Variants in PARS2 observed in about 807,000 individuals in gnomAD.
PARS2 encodes probable proline--tRNA ligase, mitochondrial.
PARS2 carries 20 observed loss-of-function variants against 27.4 expected under a neutral mutation model. The observed-to-expected ratio is 0.73, with a 90% CI of 0.51 to 1.06. The LOEUF is 1.06. Ranked by LOEUF, PARS2 falls within the 50% of genes least tolerant of loss-of-function variation. PARS2 has a pLI of 0.00. For synonymous variants in PARS2, 240 were observed against 247.1 expected (o/e 0.97, Z 0.27); for missense variants, 585 against 602.1 (o/e 0.97, Z 0.30).
intron 1 of PARS2, among the ~76,000 whole-genome samples, chr1:54,760,375 T>C (rs776121853): frequency 3.9e-4 from 60 of 152,220 alleles, no homozygotes; most frequent in Non-Finnish European, 6.3e-4. Flanking sequence ...CAAACCAGAA[T>C]GTGGGGTTCG....
In PARS2 at chr1:54,758,095, G is replaced by C; in HGVS notation, c.1067C>G (p.Ser356Cys). 1.2e-6 allele frequency: 2 copies of C among 1,614,132 alleles called. No homozygotes were observed. Among genetic ancestry groups the C allele is most frequent in the Non-Finnish European group, 1.7e-6 (2 of 1,179,996 alleles). ...RILAAAIEVL[S>C]TEDCVRWPSL... ...GGGCCAGCGGACACAGTCTTCTGTA[G>C]AGAGGACTTCAATGGCAGCAGCCAA... Residue 356 changes from serine to cysteine, a missense_variant, in exon 2 of 2, where the codon TCT becomes TGT. Transcript: ENST00000371279.
At position 54,758,588 on chromosome 1, in the gene PARS2, G is replaced by C. The variant is rs1404202100; in HGVS notation, c.574C>G (p.Pro192Ala). 4 of 1,614,080 alleles carry C rather than the reference G, an allele frequency of 2.5e-6. No individual in the cohort carries two copies. The highest frequency in any genetic ancestry group is 3.4e-6 in the Non-Finnish European group (4 of 1,180,038). The change falls in exon 2 of 2, where the codon CCC becomes GCC. Residue 192 changes from proline (P) to alanine (A), a missense_variant. Coordinates refer to ENST00000371279, the MANE Select transcript of PARS2 (RefSeq NM_152268.4). ...CGGAGAAGACCAAAGCGGGGCCTGGGCTCATCCCGAAACTTCCTTGTCACT... is the reference window on the plus strand; with the variant it reads ...CGGAGAAGACCAAAGCGGGGCCTGGCCTCATCCCGAAACTTCCTTGTCACT... The part of the protein sequence containing the change: ...YQVTRKFRDE[P>A]RPRFGLLRGR...
Position 54,758,318 on chromosome 1 carries a change from T to A in PARS2, c.844A>T (p.Met282Leu), listed in dbSNP as rs771262292. The change falls in exon 2 of 2, where the codon ATG becomes TTG. Residue 282 changes from methionine to leucine, a missense_variant. Met to Leu is a conservative substitution (Grantham distance 15, BLOSUM62 2). Coordinates refer to ENST00000371279, the MANE Select transcript of PARS2 (RefSeq NM_152268.4). ...ICPRCSFSAN[M>L]ETLDLSQMNC... ...ATTTGTGACAAGTCTAGTGTCTCCA[T>A]GTTGGCTGAGAAGCTGCAGCGGGGA... 3 of 1,614,200 alleles carry A rather than the reference T, an allele frequency of 1.9e-6. No individual in the cohort carries two copies. The Admixed American group carries it at 5.0e-5, about 27-fold the overall frequency.
At chr1:54,761,016 G>C (rs1414911098) in intron 1 of PARS2, among the ~76,000 whole-genome samples, 2 of 152,200 alleles carry the variant, frequency 1.3e-5, no homozygotes, top group African/African-American at 4.8e-5. Flanking sequence ...CTGACCTCGT[G>C]ATCCAACTGC....
In PARS2 at chr1:54,758,156, C is replaced by G; in HGVS notation, c.1006G>C (p.Glu336Gln). ...TNVCGKPTLAEMGCYGLGVTR... is the reference protein window; with the variant it reads ...TNVCGKPTLAQMGCYGLGVTR... ...ACACCCAAGCCATAGCACCCCATTT[C>G]AGCCAGGGTTGGTTTGCCACAGACA... Residue 336 changes from glutamate to glutamine, a missense_variant, in exon 2 of 2, where the codon GAA (glutamate) becomes CAA (glutamine). Transcript: ENST00000371279. 6.2e-7 allele frequency: 1 copy of G among 1,614,250 alleles called. No homozygotes were observed. The highest frequency in any genetic ancestry group is 8.5e-7 in the Non-Finnish European group (1 of 1,180,048).
Position 54,758,127 on chromosome 1 carries a change from T to C in PARS2, c.1035A>G (p.Thr345=), listed in dbSNP as rs1570088874. The change falls in exon 2 of 2, where the codon ACA becomes ACG. Residue 345 remains threonine (T), a synonymous_variant. Transcript: ENST00000371279. The part of the protein sequence containing the change: ...AEMGCYGLGV[T]RILAAAIEVL... ...CTTCAATGGCAGCAGCCAAGATCCG[T>C]GTCACACCCAAGCCATAGCACCCCA... is the stretch of plus-strand genomic sequence containing the variant. 6.2e-7 allele frequency: 1 copy of C among 1,614,222 alleles called. No homozygotes were observed. Among genetic ancestry groups the C allele is most frequent in the South Asian group, 1.1e-5 (1 of 91,086 alleles).
chr1:54,759,868 TG>T (rs1239180343), intron 1 of PARS2, among the ~76,000 whole-genome samples: 1 of 151,986 alleles, frequency 6.6e-6, no homozygotes, highest in Non-Finnish European at 1.5e-5. Context: ...TAGCTGGGCA[TG>T]GTGACACGCC....
chr1:54,757,844 C>G lies in PARS2; in HGVS notation c.1318G>C (p.Ala440Pro). 6.2e-7 allele frequency: 1 copy of G among 1,614,172 alleles called. No homozygotes were observed. The highest frequency in any genetic ancestry group is 2.2e-5 in the East Asian group (1 of 44,878). ...YPFVIIAGKRALEDPAHFEVW... is the reference protein window; with the variant it reads ...YPFVIIAGKRPLEDPAHFEVW... Reference sequence around the variant, plus strand: ...TCAAAATGTGCAGGGTCCTCCAGGGCCCTCTTGCCAGCGATTATCACAAAG... The same window carrying G: ...TCAAAATGTGCAGGGTCCTCCAGGGGCCTCTTGCCAGCGATTATCACAAAG... The change falls in exon 2 of 2, where the codon GCC becomes CCC. Residue 440 changes from alanine to proline, a missense_variant. Transcript: ENST00000371279.
In PARS2 at chr1:54,757,980, G is replaced by C. The variant is rs758287442; in HGVS notation, c.1182C>G (p.Tyr394Ter). 9 of 1,614,040 alleles carry C rather than the reference G, an allele frequency of 5.6e-6. No individual in the cohort carries two copies. Among genetic ancestry groups the C allele is most frequent in the Non-Finnish European group, 7.6e-6 (9 of 1,180,012 alleles). The change falls in exon 2 of 2, where the codon TAC becomes TAG. Residue 394 changes from tyrosine (Y) to a stop codon, truncating the protein, a stop_gained. Transcript: ENST00000371279. LOFTEE classifies it high-confidence loss of function. ...GAGGCACTGCCTCTGTGATGTGGTCGTACAGCTGCCCTATGAGCTCGGAGG... is the reference window on the plus strand; with the variant it reads ...GAGGCACTGCCTCTGTGATGTGGTCCTACAGCTGCCCTATGAGCTCGGAGG... ...QAASELIGQL[Y>*]DHITEAVPQL... is the part of the protein sequence containing the mutation.
At position 54,758,823 on chromosome 1, in the gene PARS2, C is replaced by G. The variant is rs747976308; in HGVS notation, c.339G>C (p.Gly113=). The G allele has an allele frequency of 1.9e-6, 3 of 1,614,216 alleles. No homozygotes were observed. The highest frequency in any genetic ancestry group is 2.5e-6 in the Non-Finnish European group (3 of 1,180,050). The change falls in exon 2 of 2, where the codon GGG becomes GGC. Residue 113 remains glycine (G), a synonymous_variant. Transcript: ENST00000371279. ...GGCTGGGCATGTTGACTTTCTGGCC[C>G]CCGATGGCCTGCATCTCCTGGTCTA... The part of the protein sequence containing the change: ...RVIDQEMQAI[G]GQKVNMPSLS...
chr1:54,759,224 C>T (rs1646140645), intron 1 of PARS2, 34 bp from the exon 2 acceptor site: 1 of 1,341,200 alleles, frequency 7.5e-7, no homozygotes, highest in South Asian at 1.5e-5. Flanking sequence ...GAATGAGCCT[C>T]ATCCGTGTTC....
Position 54,758,592 on chromosome 1 carries a change from A to T in PARS2, c.570T>A (p.Asp190Glu). ...GAAGACCAAAGCGGGGCCTGGGCTC[A>T]TCCCGAAACTTCCTTGTCACTTGGT... is the stretch of plus-strand genomic sequence containing the variant. ...LLYQVTRKFR[D>E]EPRPRFGLLR... Residue 190 changes from aspartate to glutamate, a missense_variant, in exon 2 of 2, where the codon GAT becomes GAA. Physicochemically the swap from Asp to Glu is conservative, Grantham distance 45. Transcript: ENST00000371279. 6.2e-7 allele frequency: 1 copy of T among 1,614,206 alleles called. No homozygotes were observed. The highest frequency in any genetic ancestry group is 8.5e-7 in the Non-Finnish European group (1 of 1,180,036).
At chr1:54,761,656 C>T (rs938772727) in intron 1 of PARS2, among the ~76,000 whole-genome samples, 3 of 152,128 alleles carry the variant, frequency 2.0e-5, no homozygotes, top group Non-Finnish European at 2.9e-5. Context: ...CAACAAAGCT[C>T]CCGGCAGTAT....
At position 54,757,328 on chromosome 1, in the gene PARS2, T is replaced by C. The variant is rs1258741192; in HGVS notation, c.*406A>G. 6.3e-6 allele frequency: 1 copy of C among 159,962 alleles called. No homozygotes were observed. The highest frequency in any genetic ancestry group is 1.4e-5 in the Non-Finnish European group (1 of 73,552). The allele number at this position is 159,962 out of a possible 1,614,324, so 9.9% of individuals were successfully genotyped here. A position where few individuals can be genotyped will look rare whatever the true frequency, so the allele number is the denominator to read the frequency against. On this transcript the variant is annotated 3_prime_UTR_variant, in exon 2 of 2. Coordinates refer to ENST00000371279, the MANE Select transcript of PARS2 (RefSeq NM_152268.4). ...TGTAGCAAAAGGCCCGTGGTCAAAC[T>C]GATACGGGGTGGGGAAGGTTGGTGG...
Position 54,758,282 on chromosome 1 carries a change from C to G in PARS2, c.880G>C (p.Ala294Pro). 6.2e-7 allele frequency: 1 copy of G among 1,614,216 alleles called. No homozygotes were observed. The highest frequency in any genetic ancestry group is 2.2e-5 in the East Asian group (1 of 44,886). Residue 294 changes from alanine (A) to proline (P), a missense_variant, in exon 2 of 2, where the codon GCT becomes CCT. Transcript: ENST00000371279. ...TLDLSQMNCP[A>P]CQGPLTKTKG... is the part of the protein sequence containing the mutation. Reference sequence around the variant, plus strand: ...GTTTTAGTCAATGGGCCCTGGCAAGCAGGGCAGTTCATTTGTGACAAGTCT... The same window carrying G: ...GTTTTAGTCAATGGGCCCTGGCAAGGAGGGCAGTTCATTTGTGACAAGTCT...
rs1646132542 is a variant in PARS2, at chr1:54,758,159, C to G, written c.1003G>C (p.Ala335Pro). Residue 335 changes from alanine (A) to proline (P), a missense_variant, in exon 2 of 2, where the codon GCT becomes CCT. By Grantham distance (27) the Ala-to-Pro change is conservative. Transcript: ENST00000371279. ...CCCAAGCCATAGCACCCCATTTCAG[C>G]CAGGGTTGGTTTGCCACAGACATTG... ...FTNVCGKPTL[A>P]EMGCYGLGVT... is the part of the protein sequence containing the mutation. 6.2e-7 allele frequency: 1 copy of G among 1,614,192 alleles called. No homozygotes were observed. The highest frequency in any genetic ancestry group is 1.3e-5 in the African/African-American group (1 of 75,032).
chr1:54,763,449 G>T (rs1646168026), intron 1 of PARS2, among the ~76,000 whole-genome samples: 1 of 152,028 alleles, frequency 6.6e-6, no homozygotes, highest in Non-Finnish European at 1.5e-5. Context: ...TCAGAGTCTC[G>T]CATAATGCCT....
rs750805913 is a variant in PARS2 at position 54,758,500 on chromosome 1, T to TG, written c.661dup (p.Gln221ProfsTer8). On this transcript the variant is annotated frameshift_variant, in exon 2 of 2. Coordinates refer to ENST00000371279, the MANE Select transcript of PARS2 (RefSeq NM_152268.4). LOFTEE classifies it high-confidence loss of function. ...GGCATCACACACCAGGCTGTAGGTC[T>TG]GCTGGGCAGCCTCTGGGGAGGAGTC... The TG allele has an allele frequency of 6.2e-7, 1 of 1,614,194 alleles. No individual in the cohort carries two copies. Among genetic ancestry groups the TG allele is most frequent in the Admixed American group, 1.7e-5 (1 of 60,024 alleles).
intron 1 of PARS2, among the ~76,000 whole-genome samples, chr1:54,760,977 A>G (rs1289175080): frequency 1.3e-5 from 2 of 152,030 alleles, no homozygotes; most frequent in Non-Finnish European, 2.9e-5. Flanking sequence ...ACGGGGTTTC[A>G]CCGTGTTAGC....
Sources: gnomAD v4.1 joint callset for allele counts (sites outside exome capture counted in the v4.1 genomes callset) on GRCh38, gnomAD v4.1.1 for gene constraint, MANE v1.5 for transcripts, NCBI Gene and HGNC (gene_info 2026-07-23, HGNC 2026-07-21) for gene names.